Variants in BMPR2 observed in about 807,000 individuals in gnomAD.
The protein encoded by BMPR2 is bone morphogenetic protein receptor type 2, also known as bone morphogenetic protein receptor type-2.
A neutral mutation model predicts 100.8 loss-of-function variants in BMPR2; 29 were observed. The observed-to-expected ratio is 0.29, with a 90% CI of 0.21 to 0.39. BMPR2 has a LOEUF of 0.39. Ranked by LOEUF, BMPR2 falls within the 10% of genes least tolerant of loss-of-function variation. BMPR2 has a pLI of 1.00. For synonymous variants in BMPR2, 382 were observed against 442.3 expected, an observed-to-expected ratio of 0.86 and a Z score of 1.71; for missense variants, 1,011 against 1,274.5, an observed-to-expected ratio of 0.79 and a Z score of 3.15.
chr2:202,479,234 A>C (rs1443418497), intron 3 of BMPR2, among the ~76,000 whole-genome samples: 1 of 152,206 alleles, frequency 6.6e-6, no homozygotes, highest in Non-Finnish European at 1.5e-5. Context: ...GAGGTCAGCT[A>C]ACTTGCCAAT....
intron 8 of BMPR2, among the ~76,000 whole-genome samples, chr2:202,531,751 C>T (rs1382364214): frequency 6.6e-6 from 1 of 152,060 alleles, no homozygotes; most frequent in Non-Finnish European, 1.5e-5. Flanking sequence ...CCTGCCTCAG[C>T]CTCCTGAGTA....
chr2:202,397,293 A>G (rs926185766), intron 1 of BMPR2, among the ~76,000 whole-genome samples: 1 of 152,182 alleles, frequency 6.6e-6, no homozygotes, highest in African/African-American at 2.4e-5. Context: ...TGATTGTAAA[A>G]CTAACCCCAA....
chr2:202,535,357 C>G (rs924142198), intron 9 of BMPR2, among the ~76,000 whole-genome samples: 2 of 150,622 alleles, frequency 1.3e-5, no homozygotes, highest in African/African-American at 4.9e-5. Context: ...AGGGTCTCCT[C>G]ACTTCTCAGA....
chr2:202,497,489 G>A (rs1346966950), intron 3 of BMPR2, among the ~76,000 whole-genome samples: 7 of 152,122 alleles, frequency 4.6e-5, no homozygotes, highest in South Asian at 2.1e-4. Flanking sequence ...AACAACCCCC[G>A]ACTCTTCGGA....
chr2:202,410,811 C>T (rs991941950), intron 1 of BMPR2, among the ~76,000 whole-genome samples: 75 of 152,122 alleles, frequency 4.9e-4, no homozygotes, highest in African/African-American at 1.5e-3. Flanking sequence ...AATCTCCTGA[C>T]ATCGTAATCC....
At chr2:202,464,199 A>G (rs1161687291) in intron 1 of BMPR2, among the ~76,000 whole-genome samples, 2 of 150,896 alleles carry the variant, frequency 1.3e-5, no homozygotes, top group Non-Finnish European at 1.5e-5. Flanking sequence ...TTTTTATTGA[A>G]GTATAATTTA....
intron 1 of BMPR2, among the ~76,000 whole-genome samples, chr2:202,448,446 CAA>C (rs1178310357): frequency 8.4e-6 from 1 of 119,244 alleles, no homozygotes; most frequent in Admixed American, 8.9e-5. Context: ...GACTCCGTCT[CAA>C]AAAAAAAATA....
chr2:202,405,038 G>T (rs1048313123), intron 1 of BMPR2, among the ~76,000 whole-genome samples: 1 of 151,916 alleles, frequency 6.6e-6, no homozygotes, highest in Admixed American at 6.6e-5. Context: ...GCCCAGGATG[G>T]TATCAAACTT....
chr2:202,485,549 T>TTTTTTTTTTTTTTTTTTTTTTTTTA (rs1692759464), intron 3 of BMPR2, among the ~76,000 whole-genome samples: 1 of 101,304 alleles, frequency 9.9e-6, no homozygotes. Flanking sequence ...CTTTATCTTT[T>TTTTTTTTTTTTTTTTTTTTTTTTTA]TTTTTTTTTT....
At chr2:202,540,240 A>T (rs954179953) in intron 9 of BMPR2, among the ~76,000 whole-genome samples, 1 of 152,170 alleles carries the variant, frequency 6.6e-6, no homozygotes, top group Non-Finnish European at 1.5e-5. Flanking sequence ...CATTTGAAAA[A>T]AAAATAATAA....
In BMPR2 at chr2:202,561,331, C is replaced by T. The variant is rs1458212864; in HGVS notation, c.*1385C>T. ...TTTCACATTATCTTTGATATGTGAG[C>T]AACATTTATTATTTACATTAGAGTA... On this transcript the variant is annotated 3_prime_UTR_variant, in exon 13 of 13. Coordinates refer to ENST00000374580, the MANE Select transcript of BMPR2 (RefSeq NM_001204.7). 1 of 152,014 alleles carries T rather than the reference C, an allele frequency of 6.6e-6. No homozygotes were observed. The highest frequency in any genetic ancestry group is 2.4e-5 in the African/African-American group (1 of 41,400). 9.4% of individuals were successfully genotyped at this position (152,014 alleles called of 1,614,324 possible).
chr2:202,528,779 C>CA (rs1370168076), intron 7 of BMPR2, among the ~76,000 whole-genome samples: 3 of 152,120 alleles, frequency 2.0e-5, no homozygotes, highest in Non-Finnish European at 2.9e-5. Flanking sequence ...ACTGCTTTCC[C>CA]ACCACTGTAA....
intron 1 of BMPR2, among the ~76,000 whole-genome samples, chr2:202,421,365 A>G (rs1244474996): frequency 6.6e-6 from 1 of 151,642 alleles, no homozygotes; most frequent in Admixed American, 6.6e-5. Context: ...GCAGATGTAC[A>G]GTTATCATCA....
At chr2:202,530,720 A>T (rs1375904483) in intron 7 of BMPR2, 74 bp from the exon 8 acceptor site, 3 of 1,324,116 alleles carry the variant, frequency 2.3e-6, no homozygotes, top group Non-Finnish European at 2.1e-6. Context: ...TACTACTTCT[A>T]TATTTATGTA....
chr2:202,483,482 C>CT (rs1692704060), intron 3 of BMPR2, among the ~76,000 whole-genome samples: 1 of 151,718 alleles, frequency 6.6e-6, no homozygotes, highest in Non-Finnish European at 1.5e-5. Context: ...CCCACCCCGC[C>CT]TACCCGCCCA....
intron 1 of BMPR2, among the ~76,000 whole-genome samples, chr2:202,422,496 C>CGG (rs1691286052): frequency 6.6e-6 from 1 of 151,302 alleles, no homozygotes; most frequent in Non-Finnish European, 1.5e-5. Context: ...TTAATAGAGA[C>CGG]GGGGTTTCAC....
Position 202,386,837 on chromosome 2 carries a change from C to T in BMPR2, c.76+9287C>T, listed in dbSNP as rs187621010. 9.6e-3 allele frequency among the ~76,000 whole-genome samples: 1,462 copies of T among 152,158 alleles called. 20 individuals are homozygous for T. Among genetic ancestry groups the T allele is most frequent in the African/African-American group, 0.032 (1,312 of 41,514 alleles). The stretch of plus-strand genomic sequence containing the variant: ...ATGGGATTACAGGCGCGTGCCACCA[C>T]GCCCGGCTAAATTTTTTTTGTATTT... On this transcript the variant is annotated intron_variant, in intron 1 of 12. Coordinates refer to ENST00000374580, the MANE Select transcript of BMPR2 (RefSeq NM_001204.7).
At chr2:202,531,930 ATTTTTTTTTT>A (rs71035015) in intron 8 of BMPR2, among the ~76,000 whole-genome samples, 4 of 52,294 alleles carry the variant, frequency 7.6e-5, no homozygotes, top group South Asian at 1.9e-3. Flanking sequence ...GCCCAGCTGT[ATTTTTTTTTT>A]TTTTTTTTTT....
At position 202,513,753 on chromosome 2, in the gene BMPR2, A is replaced by C. The variant is rs747202815; in HGVS notation, c.453A>C (p.Ile151=). The C allele has an allele frequency of 1.9e-6, 3 of 1,613,490 alleles. No homozygotes were observed. Among genetic ancestry groups the C allele is most frequent in the Non-Finnish European group, 2.5e-6 (3 of 1,179,694 alleles). Residue 151 remains isoleucine (I), a synonymous_variant, in exon 4 of 13, where the codon ATA becomes ATC. Coordinates refer to ENST00000374580, the MANE Select transcript of BMPR2 (RefSeq NM_001204.7). The part of the protein sequence containing the change: ...PPHSFNRDET[I]IIALASVSVL... ...ATTCATTTAACCGAGATGAGACAAT[A>C]ATCATTGCTTTGGCATCAGTCTCTG...
Sources: gnomAD v4.1 joint callset for allele counts (sites outside exome capture counted in the v4.1 genomes callset) on GRCh38, gnomAD v4.1.1 for gene constraint, MANE v1.5 for transcripts, NCBI Gene and HGNC (gene_info 2026-07-23, HGNC 2026-07-21) for gene names.